KCNMA1: variants seen among roughly 807,000 people sequenced by gnomAD.
KCNMA1 encodes the protein potassium calcium-activated channel subfamily M alpha 1.
A neutral mutation model predicts 140.0 loss-of-function variants in KCNMA1; 29 were observed. That is an observed-to-expected ratio of 0.21 (90% CI 0.15 to 0.28). The LOEUF (loss-of-function observed/expected upper bound fraction) is 0.28, where lower values mean the gene tolerates loss of function less well. KCNMA1 is among the 10% of genes least tolerant of loss of function. The pLI is 1.00. For synonymous variants in KCNMA1, 612 were observed against 611.9 expected, an observed-to-expected ratio of 1.00 and a Z score of 0.00; for missense variants, 880 against 1,602.2, an observed-to-expected ratio of 0.55 and a Z score of 7.70.
intron 2 of KCNMA1, among the ~76,000 whole-genome samples, chr10:77,256,216 A>G (rs1227430070): frequency 6.6e-6 from 1 of 152,182 alleles, no homozygotes; most frequent in Non-Finnish European, 1.5e-5. Flanking sequence ...TTCCTGTTCT[A>G]GAACCTGGAC....
chr10:77,134,535 T>A (rs1181028098), intron 5 of KCNMA1, among the ~76,000 whole-genome samples: 1 of 152,006 alleles, frequency 6.6e-6, no homozygotes, highest in Non-Finnish European at 1.5e-5. Flanking sequence ...TGACTTAAGA[T>A]CCAAAACTGT....
At chr10:77,156,222 C>T (rs1448241803) in intron 5 of KCNMA1, among the ~76,000 whole-genome samples, 1 of 109,024 alleles carries the variant, frequency 9.2e-6, no homozygotes, top group Non-Finnish European at 1.8e-5. Flanking sequence ...AGCGAGACTC[C>T]ATCTTAAAAA....
chr10:77,627,377 T>A (rs749758337), intron 1 of KCNMA1, among the ~76,000 whole-genome samples: 1 of 152,064 alleles, frequency 6.6e-6, no homozygotes, highest in Admixed American at 6.5e-5. Context: ...AGGAGGTGAA[T>A]TTATGGCCCA....
Position 77,587,920 on chromosome 10 carries a change from A to C in KCNMA1, c.378+49345T>G, listed in dbSNP as rs796742622. On this transcript the variant is annotated intron_variant, in intron 1 of 27. Coordinates refer to ENST00000286628, the MANE Select transcript of KCNMA1 (RefSeq NM_001161352.2). ...TCTGCCTTCAAGATGTTTATAGTTT[A>C]TTTGGAGACATAAGCAGAGTCCCAC... 8 of 939,256 alleles carry C rather than the reference A, an allele frequency of 8.5e-6. No homozygotes were observed. In the African/African-American group the frequency reaches 1.2e-4, roughly 15 times the overall value. 58.2% of individuals were successfully genotyped at this position (939,256 alleles called of 1,614,324 possible). A position where few individuals can be genotyped will look rare whatever the true frequency, so the allele number is the denominator to read the frequency against.
At chr10:77,438,651 G>A (rs1240132523) in intron 1 of KCNMA1, among the ~76,000 whole-genome samples, 2 of 151,948 alleles carry the variant, frequency 1.3e-5, no homozygotes, top group Admixed American at 6.6e-5. Context: ...TTTTACAAAT[G>A]AGGAAACTGA....
chr10:77,048,088 G>A (rs987094158), intron 14 of KCNMA1, among the ~76,000 whole-genome samples: 2 of 66,206 alleles, frequency 3.0e-5, no homozygotes, highest in Non-Finnish European at 7.6e-5. Flanking sequence ...TACTAGACCT[G>A]TCTGGACAAC....
chr10:77,504,027 T>C (rs894940141), intron 1 of KCNMA1, among the ~76,000 whole-genome samples: 14 of 152,110 alleles, frequency 9.2e-5, no homozygotes, highest in Non-Finnish European at 1.9e-4. Flanking sequence ...GTGGCTGGGA[T>C]ATGGTGCTGG....
At chr10:77,183,288 T>C in intron 5 of KCNMA1, 133 bp downstream of exon 5, 1 of 718,162 alleles carries the variant, frequency 1.4e-6, no homozygotes, top group East Asian at 2.7e-5. Flanking sequence ...CTTCTAAAAC[T>C]CCAAGAGCCC....
At chr10:77,204,651 A>G (rs2154161535) in intron 3 of KCNMA1, among the ~76,000 whole-genome samples, 1 of 152,312 alleles carries the variant, frequency 6.6e-6, no homozygotes, top group South Asian at 2.1e-4. Flanking sequence ...CATGAGGTCA[A>G]CTCATTCTCT....
chr10:77,000,857 A>AATATATATATATATATATATATAT (rs56359933), intron 19 of KCNMA1, among the ~76,000 whole-genome samples: 3 of 36,652 alleles, frequency 8.2e-5, no homozygotes, highest in South Asian at 1.1e-3. Flanking sequence ...GTAAAAAGAA[A>AATATATATATATATATATATATAT]ATATATATAT....
At chr10:77,091,654 GGCA>G (rs2096821507) in intron 9 of KCNMA1, 1 of 152,216 alleles carries the variant, frequency 6.6e-6, no homozygotes, top group Non-Finnish European at 1.5e-5. Flanking sequence ...CTGAGACTTG[GGCA>G]GGTGGTGAAC....
chr10:77,322,256 T>C (rs1160073897), intron 2 of KCNMA1, among the ~76,000 whole-genome samples: 2 of 152,216 alleles, frequency 1.3e-5, no homozygotes, highest in African/African-American at 2.4e-5. Flanking sequence ...CTTGGAAGCA[T>C]GGGAGAGTCC....
chr10:77,233,633 G>A (rs574155225), intron 3 of KCNMA1, among the ~76,000 whole-genome samples: 2 of 152,302 alleles, frequency 1.3e-5, no homozygotes, highest in Admixed American at 1.3e-4. Context: ...GGTTTGCTGG[G>A]CTCCTTAAAG....
chr10:77,476,514 G>C (rs1287911759), intron 1 of KCNMA1, among the ~76,000 whole-genome samples: 1 of 152,208 alleles, frequency 6.6e-6, no homozygotes, highest in Non-Finnish European at 1.5e-5. Context: ...CCTTAGCACA[G>C]GGATCCCTCT....
chr10:77,324,461 C>A (rs1370734410), intron 2 of KCNMA1, among the ~76,000 whole-genome samples: 1 of 152,202 alleles, frequency 6.6e-6, no homozygotes, highest in Non-Finnish European at 1.5e-5. Context: ...GACACCTCTC[C>A]CACCCAGCTT....
At chr10:77,434,326 G>T (rs1376132162) in intron 1 of KCNMA1, among the ~76,000 whole-genome samples, 1 of 152,184 alleles carries the variant, frequency 6.6e-6, no homozygotes, top group Non-Finnish European at 1.5e-5. Context: ...AGTGTGTCTC[G>T]TTCCTGTGGA....
intron 1 of KCNMA1, among the ~76,000 whole-genome samples, chr10:77,505,732 A>G (rs1387333552): frequency 6.6e-6 from 1 of 152,252 alleles, no homozygotes; most frequent in Non-Finnish European, 1.5e-5. Flanking sequence ...TTTGAGCACC[A>G]AGAAGAGAAG....
intron 3 of KCNMA1, among the ~76,000 whole-genome samples, chr10:77,187,412 C>T (rs181745706): frequency 2.4e-4 from 37 of 152,290 alleles, no homozygotes; most frequent in African/African-American, 8.9e-4. Context: ...TTGAAAAACG[C>T]ACCTTAACAA....
intron 2 of KCNMA1, among the ~76,000 whole-genome samples, chr10:77,382,994 G>GTGTGTGTGTATATA (rs1491457588): frequency 2.6e-4 from 12 of 46,422 alleles, no homozygotes; most frequent in Non-Finnish European, 4.0e-4. Context: ...GTGTGTGTGT[G>GTGTGTGTGTATATA]TATATATATA....
Sources: gnomAD v4.1 joint callset for allele counts (sites outside exome capture counted in the v4.1 genomes callset) on GRCh38, gnomAD v4.1.1 for gene constraint, MANE v1.5 for transcripts, NCBI Gene and HGNC (gene_info 2026-07-23, HGNC 2026-07-21) for gene names.